Variants in ABCC9 observed in about 807,000 individuals in gnomAD.
The protein encoded by ABCC9 is ATP binding cassette subfamily C member 9.
In ABCC9, 95 loss-of-function variants were observed where a neutral mutation model predicts 188.3. That is an observed-to-expected ratio of 0.50 (90% CI 0.43 to 0.60). The LOEUF is 0.60. Among genes scored for constraint, ABCC9 ranks in the 20% least tolerant of loss-of-function variants. The probability of loss-of-function intolerance (pLI) is 0.00; values close to 1 mark genes in which losing one functional copy is unlikely to be tolerated. For synonymous variants in ABCC9, 659 were observed against 652.7 expected (o/e 1.01, Z -0.15); for missense variants, 1,102 against 1,876.3 (o/e 0.59, Z 7.62).
intron 17 of ABCC9, among the ~76,000 whole-genome samples, chr12:21,873,611 A>G (rs1168111227): frequency 1.3e-5 from 2 of 152,154 alleles, no homozygotes; most frequent in African/African-American, 2.4e-5. Context: ...ACCCAAAGCT[A>G]TCTTAAGAAA....
At chr12:21,939,412 GATA>G (rs1363043455) in intron 2 of ABCC9, among the ~76,000 whole-genome samples, 4 of 152,158 alleles carry the variant, frequency 2.6e-5, no homozygotes, top group African/African-American at 9.7e-5. Flanking sequence ...CTGATATATT[GATA>G]ATTATTGTGT....
At chr12:21,895,969 G>T (rs184118831) in intron 12 of ABCC9, among the ~76,000 whole-genome samples, 16 of 151,700 alleles carry the variant, frequency 1.1e-4, no homozygotes, top group Admixed American at 9.2e-4. Context: ...TTGATTTATA[G>T]TCATACAGTC....
chr12:21,821,788 GT>G (rs767504612), intron 31 of ABCC9, among the ~76,000 whole-genome samples: 23 of 152,070 alleles, frequency 1.5e-4, no homozygotes, highest in Non-Finnish European at 2.9e-4. Flanking sequence ...TAACAGGTAG[GT>G]AGTCTTATTC....
intron 31 of ABCC9, among the ~76,000 whole-genome samples, chr12:21,824,201 G>A (rs1943227451): frequency 6.6e-6 from 1 of 152,164 alleles, no homozygotes; most frequent in Non-Finnish European, 1.5e-5. Flanking sequence ...TTAGCATGAA[G>A]GGGTGTTGAA....
At chr12:21,934,436 A>C (rs565448289) in intron 3 of ABCC9, among the ~76,000 whole-genome samples, 2 of 152,232 alleles carry the variant, frequency 1.3e-5, no homozygotes, top group Admixed American at 1.3e-4. Context: ...ACTATTATTC[A>C]ACAAGTAGTA....
intron 5 of ABCC9, 115 bp downstream of exon 5, chr12:21,925,826 CT>C: frequency 8.6e-7 from 1 of 1,164,530 alleles, no homozygotes; most frequent in Admixed American, 2.0e-5. Context: ...TTTTCCCATA[CT>C]TTCTACTCCC....
intron 18 of ABCC9, among the ~76,000 whole-genome samples, chr12:21,867,345 T>G (rs704199): frequency 2.0e-5 from 3 of 152,146 alleles, no homozygotes; most frequent in African/African-American, 7.2e-5. Flanking sequence ...TGTGGTACTC[T>G]ACAGCACTCA....
At chr12:21,818,020 C>G (rs1360881646) in intron 32 of ABCC9, 130 bp downstream of exon 32, 1 of 704,512 alleles carries the variant, frequency 1.4e-6, no homozygotes, top group African/African-American at 1.8e-5. Flanking sequence ...CACCCCCACC[C>G]CCCAATAGGC....
rs764155671 is a variant in ABCC9 at position 21,842,456 on chromosome 12, A to G, written c.3331T>C (p.Leu1111=). Reference sequence around the variant, plus strand: ...AGTGTTGAGCGAGTTAGAGATTCCAAGGTTGGAGGGATGTGCTATTAGGGT... The same window carrying G: ...AGTGTTGAGCGAGTTAGAGATTCCAGGGTTGGAGGGATGTGCTATTAGGGT... The part of the protein sequence containing the change: ...NIIDQHIPPT[L]ESLTRSTLLC... The change falls in exon 29 of 40, where the codon TTG becomes CTG. Residue 1111 remains leucine, a synonymous_variant. Transcript: ENST00000261200. 64 of 1,613,990 alleles carry G rather than the reference A, an allele frequency of 4.0e-5. No individual in the cohort carries two copies. Among genetic ancestry groups the G allele is most frequent in the Non-Finnish European group, 5.1e-5 (60 of 1,179,956 alleles).
intron 12 of ABCC9, among the ~76,000 whole-genome samples, chr12:21,904,577 T>C (rs937646990): frequency 9.2e-5 from 14 of 151,922 alleles, no homozygotes; most frequent in Admixed American, 6.6e-4. Flanking sequence ...CAAACAAATT[T>C]ACAAGAAAAA....
chr12:21,803,168 C>T (rs1941583912), intron 39 of ABCC9, among the ~76,000 whole-genome samples: 1 of 151,686 alleles, frequency 6.6e-6, no homozygotes, highest in Admixed American at 6.6e-5. Context: ...ATTTGCACAC[C>T]CATGCATTTA....
rs773877815 is a variant in ABCC9, at chr12:21,887,791, A to G, written c.1911+35T>C. Reference sequence around the variant, plus strand: ...GTCCATTCTGCTGAGACTGTCCTCTATTCACAACTTCCAAAACAAAAATAA... The same window carrying G: ...GTCCATTCTGCTGAGACTGTCCTCTGTTCACAACTTCCAAAACAAAAATAA... On this transcript the variant is annotated intron_variant, in intron 15 of 39. Coordinates refer to ENST00000261200, the MANE Select transcript of ABCC9 (RefSeq NM_020297.4). 15 of 1,325,138 alleles carry G rather than the reference A, an allele frequency of 1.1e-5. No homozygotes were observed. The South Asian group carries it at 1.8e-4, about 16-fold the overall frequency. The allele number at this position is 1,325,138 out of a possible 1,614,324, so 82.1% of individuals were successfully genotyped here.
intron 2 of ABCC9, among the ~76,000 whole-genome samples, chr12:21,937,666 A>G (rs141426671): frequency 6.6e-6 from 1 of 152,298 alleles, no homozygotes; most frequent in African/African-American, 2.4e-5. Context: ...CTTATTTTAT[A>G]ATGCCTACTA....
At position 21,817,250 on chromosome 12, in the gene ABCC9, C is replaced by A. The variant is rs1270064189; in HGVS notation, c.3829G>T (p.Gly1277Cys). ...AAACTGTTCACCTTCTTCACTGCAC[C>A]CATCTGGACCTCCAGGTCAGCCAAG... ...RNLADLEVQM[G>C]AVKKVNSFLT... is the part of the protein sequence containing the mutation. The change falls in exon 33 of 40, where the codon GGT becomes TGT. Residue 1277 changes from glycine (G) to cysteine (C), a missense_variant. By Grantham distance (159) the Gly-to-Cys change is radical (BLOSUM62 -3). Around this residue, in one of 12 missense-constraint regions of ABCC9, gnomAD observed 143 missense variants for 225.6 expected, o/e 0.63. Transcript: ENST00000261200. The A allele has an allele frequency of 6.2e-7, 1 of 1,613,706 alleles. No individual in the cohort carries two copies.
intron 16 of ABCC9, among the ~76,000 whole-genome samples, chr12:21,880,494 C>G (rs1946568906): frequency 6.6e-6 from 1 of 152,096 alleles, no homozygotes; most frequent in Non-Finnish European, 1.5e-5. Flanking sequence ...ACATATGTGA[C>G]TGTCAAAGTA....
intron 36 of ABCC9, 111 bp downstream of exon 36, chr12:21,811,938 T>C (rs956004638): frequency 3.9e-6 from 3 of 764,128 alleles, no homozygotes; most frequent in Non-Finnish European, 7.0e-6. Context: ...TTTGATTTTA[T>C]TGCCTTGATA....
chr12:21,936,524 A>C lies in ABCC9; in HGVS notation c.142+9T>G. 1.2e-6 allele frequency: 2 copies of C among 1,607,224 alleles called. No homozygotes were observed. The highest frequency in any genetic ancestry group is 1.7e-6 in the Non-Finnish European group (2 of 1,174,218). ...CAAATGGTATAACATAAGATACTAG[A>C]TTACTTACCAATAAACAATATTGGA... On this transcript the variant is annotated intron_variant, in intron 3 of 39. Transcript: ENST00000261200.
At chr12:21,810,067 C>A in intron 36 of ABCC9, 112 bp from the exon 37 acceptor site, 1 of 729,910 alleles carries the variant, frequency 1.4e-6, no homozygotes, top group Admixed American at 2.0e-5. Context: ...GTTTTGGTTA[C>A]TGCTGTATAT....
rs1941211432 is a variant in ABCC9 at position 21,797,563 on chromosome 12, C to T, written c.*3481G>A. 1 of 152,082 alleles carries T rather than the reference C, an allele frequency of 6.6e-6. No homozygotes were observed. Among genetic ancestry groups the T allele is most frequent in the South Asian group, 2.1e-4 (1 of 4,824 alleles). 9.4% of individuals were successfully genotyped at this position (152,082 alleles called of 1,614,324 possible). ...AGAGAATAACCTATAGTTATAGGCA[C>T]ATGGCAGTAAAACTAATCAGTGAAT... is the stretch of plus-strand genomic sequence containing the variant. On this transcript the variant is annotated 3_prime_UTR_variant, in exon 40 of 40. Transcript: ENST00000261200.
Sources: gnomAD v4.1 joint callset for allele counts (sites outside exome capture counted in the v4.1 genomes callset) on GRCh38, gnomAD v4.1.1 for gene constraint, gnomAD v4.1.1 regional missense constraint, MANE v1.5 for transcripts, NCBI Gene and HGNC (gene_info 2026-07-23, HGNC 2026-07-21) for gene names.